Variants in SIDT1 observed in about 807,000 individuals in gnomAD.
The protein encoded by SIDT1 is SID1 transmembrane family, member 1.
In SIDT1, 101 loss-of-function variants were observed where a neutral mutation model predicts 107.5. The ratio of observed to expected loss-of-function variants is 0.94; its 90% CI spans 0.80 to 1.11. The LOEUF is 1.11. SIDT1 is among the 50% of genes least tolerant of loss of function. The pLI, the probability that SIDT1 is intolerant of heterozygous loss-of-function variation, is 0.00. For synonymous variants in SIDT1, 395 were observed against 398.2 expected (o/e 0.99, Z 0.10); for missense variants, 1,076 against 1,058.2 (o/e 1.02, Z -0.23).
intron 3 of SIDT1, among the ~76,000 whole-genome samples, chr3:113,575,823 A>G (rs1942852836): frequency 6.6e-6 from 1 of 152,210 alleles, no homozygotes; most frequent in South Asian, 2.1e-4. Context: ...ATTAGAGTGG[A>G]AAGAAAAAAA....
chr3:113,611,421 T>TC (rs1945731878), intron 18 of SIDT1, among the ~76,000 whole-genome samples: 1 of 152,132 alleles, frequency 6.6e-6, no homozygotes, highest in Non-Finnish European at 1.5e-5. Context: ...AACCTCCACC[T>TC]CCCGGGTTCA....
rs1461521491 is a variant in SIDT1, at chr3:113,629,545, T to A, written c.*1837T>A. The A allele has an allele frequency of 6.6e-6, 1 of 151,342 alleles. No homozygotes were observed. The highest frequency in any genetic ancestry group is 1.5e-5 in the Non-Finnish European group (1 of 67,832). 9.4% of individuals were successfully genotyped at this position (151,342 alleles called of 1,614,324 possible). A position where few individuals can be genotyped will look rare whatever the true frequency, so the allele number is the denominator to read the frequency against. The stretch of plus-strand genomic sequence containing the variant: ...GAGTGAGACCCCATCTCTTAAAAAA[T>A]AAAAAAAAATAAAAATTTGAACCTG... On this transcript the variant is annotated 3_prime_UTR_variant, in exon 25 of 25. Transcript: ENST00000264852.
chr3:113,616,224 G>A (rs758065553), intron 20 of SIDT1, 48 bp downstream of exon 20: 3 of 1,418,314 alleles, frequency 2.1e-6, no homozygotes, highest in Non-Finnish European at 1.0e-6. Context: ...GAAAGCAGGG[G>A]AATAGTAGGA....
chr3:113,571,486 G>GCGCACACACACACACACA (rs1553789357), intron 3 of SIDT1, among the ~76,000 whole-genome samples: 1 of 148,852 alleles, frequency 6.7e-6, no homozygotes, highest in Non-Finnish European at 1.5e-5. Context: ...CCTATCCTCT[G>GCGCACACACACACACACA]CACACACACA....
chr3:113,547,160 C>G (rs1374758732), intron 1 of SIDT1, among the ~76,000 whole-genome samples: 7 of 152,096 alleles, frequency 4.6e-5, no homozygotes, highest in African/African-American at 4.8e-5. Context: ...AATGGATATG[C>G]TAATTACCCT....
rs193291726 is a variant in SIDT1 at position 113,561,946 on chromosome 3, T to C, written c.223-4474T>C. ...TAGGTTTTATCTCAGTTCTGACTGC[T>C]ATAGCTTTTAAGCCAGACCAAAGTG... On this transcript the variant is annotated intron_variant, in intron 1 of 24. Transcript: ENST00000264852. 7.7e-3 allele frequency among the ~76,000 whole-genome samples: 1,170 copies of C among 152,332 alleles called. 15 individuals are homozygous for C. Among genetic ancestry groups the C allele is most frequent in the African/African-American group, 0.026 (1,093 of 41,552 alleles).
intron 21 of SIDT1, among the ~76,000 whole-genome samples, chr3:113,622,331 G>A (rs1356673740): frequency 6.6e-6 from 1 of 151,788 alleles, no homozygotes; most frequent in Admixed American, 6.6e-5. Flanking sequence ...GGGCGTGGTG[G>A]CATGCGTCTG....
At chr3:113,560,539 GAGGTACACCC>G in intron 1 of SIDT1, among the ~76,000 whole-genome samples, 1 of 152,288 alleles carries the variant, frequency 6.6e-6, no homozygotes, top group South Asian at 2.1e-4. Context: ...AGGAGCTGTA[GAGGTACACCC>G]AGCGAACACA....
the SIDT1 span, among the ~76,000 whole-genome samples, chr3:113,636,297 G>C: frequency 6.6e-6 from 1 of 152,122 alleles, no homozygotes. Context: ...CAGCTACTCA[G>C]GAGGCTGAGG....
intron 14 of SIDT1, 150 bp downstream of exon 14, chr3:113,605,126 T>A: frequency 2.3e-6 from 1 of 434,808 alleles, no homozygotes; most frequent in Non-Finnish European, 3.8e-6. Context: ...TGCTTCCTCT[T>A]TTTTTTTTTT....
chr3:113,570,872 T>C (rs531620577), intron 3 of SIDT1, among the ~76,000 whole-genome samples: 1 of 152,342 alleles, frequency 6.6e-6, no homozygotes, highest in African/African-American at 2.4e-5. Context: ...TTTTAAGAAC[T>C]GAAGGATCTT....
At chr3:113,626,545 C>T (rs1577004900) in intron 24 of SIDT1, among the ~76,000 whole-genome samples, 1 of 152,292 alleles carries the variant, frequency 6.6e-6, no homozygotes, top group East Asian at 1.9e-4. Flanking sequence ...ATTCCGATAA[C>T]ATTGGGTTAT....
intron 1 of SIDT1, among the ~76,000 whole-genome samples, chr3:113,544,437 A>G (rs1939337830): frequency 1.3e-5 from 2 of 152,164 alleles, no homozygotes; most frequent in South Asian, 4.1e-4. Flanking sequence ...TGATCCACCC[A>G]GCTCGGCCTC....
At chr3:113,576,439 T>C (rs1346873145) in intron 3 of SIDT1, among the ~76,000 whole-genome samples, 2 of 152,168 alleles carry the variant, frequency 1.3e-5, no homozygotes, top group African/African-American at 4.8e-5. Context: ...CCATCCCATG[T>C]GGTTATCTAT....
chr3:113,544,090 T>C (rs1939266818), intron 1 of SIDT1, among the ~76,000 whole-genome samples: 1 of 151,556 alleles, frequency 6.6e-6, no homozygotes, highest in Non-Finnish European at 1.5e-5. Flanking sequence ...TTTGTTTTGT[T>C]TTGTTTTGTT....
intron 1 of SIDT1, among the ~76,000 whole-genome samples, chr3:113,535,105 C>G (rs1201269205): frequency 2.6e-5 from 4 of 152,126 alleles, no homozygotes; most frequent in African/African-American, 9.7e-5. Context: ...GACCCTCTCT[C>G]TACAAAAAAT....
chr3:113,543,739 C>G (rs912906012), intron 1 of SIDT1, among the ~76,000 whole-genome samples: 4 of 152,200 alleles, frequency 2.6e-5, no homozygotes, highest in African/African-American at 9.7e-5. Context: ...GAAATAACTT[C>G]AAACTTACAA....
intron 21 of SIDT1, among the ~76,000 whole-genome samples, chr3:113,620,612 ATG>A (rs1386594730): frequency 6.6e-6 from 1 of 152,132 alleles, no homozygotes; most frequent in African/African-American, 2.4e-5. Context: ...TCTGGGGGGC[ATG>A]TGCTTCTGGA....
At chr3:113,608,352 C>G (rs1317486836) in intron 16 of SIDT1, 67 bp from the exon 17 acceptor site, 2 of 1,532,434 alleles carry the variant, frequency 1.3e-6, no homozygotes, top group African/African-American at 1.4e-5. Context: ...GCATGTGCTT[C>G]CAGATTAGTG....
Sources: gnomAD v4.1 joint callset for allele counts (sites outside exome capture counted in the v4.1 genomes callset) on GRCh38, gnomAD v4.1.1 for gene constraint, MANE v1.5 for transcripts, NCBI Gene and HGNC (gene_info 2026-07-23, HGNC 2026-07-21) for gene names.